The following SLC25A33 variants were observed in gnomAD, a reference collection of about 807,000 sequenced individuals.
SLC25A33 encodes the protein solute carrier family 25 member 33, also known as bone marrow stromal cell mitochondrial carrier protein.
In SLC25A33, 15 loss-of-function variants were observed where a neutral mutation model predicts 35.5. The observed-to-expected ratio is 0.42, with a 90% CI of 0.28 to 0.65. SLC25A33 has a LOEUF of 0.65. Ranked by LOEUF, SLC25A33 falls within the 30% of genes least tolerant of loss-of-function variation. The probability of loss-of-function intolerance (pLI) is 0.20; values close to 1 mark genes in which losing one functional copy is unlikely to be tolerated. For synonymous variants in SLC25A33, 136 were observed against 148.7 expected (o/e 0.91, Z 0.62); for missense variants, 257 against 398.5 (o/e 0.64, Z 3.02).
chr1:9,579,912 G>A, intron 5 of SLC25A33, 42 bp from the exon 6 acceptor site: 1 of 1,583,736 alleles, frequency 6.3e-7, no homozygotes, highest in Non-Finnish European at 8.6e-7. Flanking sequence ...GTTCCACCAT[G>A]ATATGTCTCC....
intron 5 of SLC25A33, among the ~76,000 whole-genome samples, chr1:9,575,404 C>T (rs1643649572): frequency 6.6e-6 from 1 of 151,500 alleles, no homozygotes; most frequent in African/African-American, 2.4e-5. Flanking sequence ...GTCACAAACT[C>T]AGGAGTTCGA....
chr1:9,566,588 T>C (rs1175231549), intron 2 of SLC25A33, among the ~76,000 whole-genome samples: 1 of 152,158 alleles, frequency 6.6e-6, no homozygotes, highest in African/African-American at 2.4e-5. Flanking sequence ...GGCTCATGCC[T>C]GTAATCCCAG....
At chr1:9,582,000 T>C (rs143661954) in intron 6 of SLC25A33, among the ~76,000 whole-genome samples, 27 of 152,224 alleles carry the variant, frequency 1.8e-4, no homozygotes, top group Admixed American at 5.2e-4. Context: ...CCCGACTCAT[T>C]GCGACCTTCA....
At chr1:9,564,735 A>AT (rs1553146738) in intron 2 of SLC25A33, among the ~76,000 whole-genome samples, 11 of 69,490 alleles carry the variant, frequency 1.6e-4, no homozygotes, top group African/African-American at 4.7e-4. Context: ...TAAAAAAAAA[A>AT]AAAAATATAT....
intron 1 of SLC25A33, among the ~76,000 whole-genome samples, chr1:9,551,159 G>C (rs1643262000): frequency 6.6e-6 from 1 of 151,794 alleles, no homozygotes. Context: ...AAGGCAGGTG[G>C]ATCACTTGAG....
chr1:9,578,108 C>CG lies in SLC25A33; in HGVS notation c.483-1842dup, dbSNP rs1368816355. On this transcript the variant is annotated intron_variant, in intron 5 of 6. Transcript: ENST00000302692. This position sits in a 1 kb window ranked among gnomAD's most constrained non-coding sequence, Gnocchi z 4.3. ...AATTTTTTGTATTTTTTAGTAGAGACGGGGTTTCACCGTGTTAGCCAGGAT... is the reference window on the plus strand; with the variant it reads ...AATTTTTTGTATTTTTTAGTAGAGACGGGGGTTTCACCGTGTTAGCCAGGAT... Among the ~76,000 whole-genome samples the CG allele has an allele frequency of 2.0e-5, 3 of 152,148 alleles. No individual in the cohort carries two copies. The South Asian group carries it at 6.2e-4, about 32-fold the overall frequency.
intron 1 of SLC25A33, among the ~76,000 whole-genome samples, chr1:9,544,925 TG>T (rs1276773672): frequency 4.6e-5 from 7 of 152,242 alleles, no homozygotes; most frequent in Admixed American, 4.6e-4. Context: ...AGCACAATTC[TG>T]TGTGCATAAT....
chr1:9,566,556 C>G (rs1643508479), intron 2 of SLC25A33, among the ~76,000 whole-genome samples: 1 of 152,068 alleles, frequency 6.6e-6, no homozygotes, highest in South Asian at 2.1e-4. Context: ...ACAGCTTCCT[C>G]CTGTGTTGGG....
At chr1:9,560,513 G>A (rs763746993) in intron 2 of SLC25A33, among the ~76,000 whole-genome samples, 2 of 152,004 alleles carry the variant, frequency 1.3e-5, no homozygotes, top group Non-Finnish European at 2.9e-5. Context: ...GCAGTGAGCC[G>A]AGATCGTGCC....
At position 9,583,660 on chromosome 1, in the gene SLC25A33, CAGAG is replaced by C. The variant is rs1332221579; in HGVS notation, c.*1162_*1165del. 2 of 151,782 alleles carry C rather than the reference CAGAG, an allele frequency of 1.3e-5. No individual in the cohort carries two copies. The highest frequency in any genetic ancestry group is 2.9e-5 in the Non-Finnish European group (2 of 67,994). 9.4% of individuals were successfully genotyped at this position (151,782 alleles called of 1,614,324 possible). On this transcript the variant is annotated 3_prime_UTR_variant, in exon 7 of 7. Transcript: ENST00000302692. ...CAACGTAGGACTATGGCTCACCCGT[CAGAG>C]AGCTCACATTCTGATAGAAAGCACT...
chr1:9,550,070 T>C (rs905058219), intron 1 of SLC25A33, among the ~76,000 whole-genome samples: 3 of 127,816 alleles, frequency 2.3e-5, no homozygotes, highest in Non-Finnish European at 3.2e-5. Context: ...TGAAGTACAG[T>C]AGTGTCATCT....
chr1:9,568,389 A>G (rs1219776336), intron 3 of SLC25A33, among the ~76,000 whole-genome samples: 1 of 152,160 alleles, frequency 6.6e-6, no homozygotes. Flanking sequence ...GGTTGCAGTG[A>G]GCTGAGATCA....
rs1385752405 is a variant in SLC25A33 at position 9,582,287 on chromosome 1, C to G, written c.764-12C>G. 1 of 1,613,776 alleles carries G rather than the reference C, an allele frequency of 6.2e-7. No individual in the cohort carries two copies. ...AATATGTGGCGTAAAGTAGGTCTTTCTCTCTCTGCAGAAGTCATAAGGACG... is the reference window on the plus strand; with the variant it reads ...AATATGTGGCGTAAAGTAGGTCTTTGTCTCTCTGCAGAAGTCATAAGGACG... On this transcript the variant is annotated splice_polypyrimidine_tract_variant and intron_variant, in intron 6 of 6. Coordinates refer to ENST00000302692, the MANE Select transcript of SLC25A33 (RefSeq NM_032315.3). This position sits in a 1 kb window ranked among gnomAD's most constrained non-coding sequence, Gnocchi z 4.0.
rs1643771834 is a variant in SLC25A33, at chr1:9,583,670, A to AT, written c.*1169_*1170insT. The AT allele has an allele frequency of 6.6e-6, 1 of 152,090 alleles. No homozygotes were observed. The highest frequency in any genetic ancestry group is 2.4e-5 in the African/African-American group (1 of 41,488). 9.4% of individuals were successfully genotyped at this position (152,090 alleles called of 1,614,324 possible). On this transcript the variant is annotated 3_prime_UTR_variant, in exon 7 of 7. Transcript: ENST00000302692. The stretch of plus-strand genomic sequence containing the variant: ...CTATGGCTCACCCGTCAGAGAGCTC[A>AT]CATTCTGATAGAAAGCACTGGGATT...
In SLC25A33 at chr1:9,582,319, CG is replaced by C. The variant is rs1167158974; in HGVS notation, c.787del (p.Glu263LysfsTer49). On this transcript the variant is annotated frameshift_variant, in exon 7 of 7. Transcript: ENST00000302692. LOFTEE classifies it high-confidence loss of function. The surrounding 1 kb of genome is among the most constrained non-coding windows in gnomAD (Gnocchi z 4.0). ...TGCAGAAGTCATAAGGACGAGGCTC[CG>C]GGAAGAGGGCACCAAGTACAAGTCT... ...YPHEVIRTRL[R>X]EEGTKYKSFV... The C allele has an allele frequency of 1.9e-6, 3 of 1,613,806 alleles. No individual in the cohort carries two copies. The African/African-American group carries it at 4.0e-5, about 22-fold the overall frequency.
intron 2 of SLC25A33, among the ~76,000 whole-genome samples, chr1:9,566,076 G>A (rs893133596): frequency 6.6e-6 from 1 of 151,712 alleles, no homozygotes; most frequent in African/African-American, 2.4e-5. Flanking sequence ...GTCTCTTTCT[G>A]TCGCTAAAGC....
chr1:9,568,855 AAG>A (rs1163360726), intron 3 of SLC25A33, among the ~76,000 whole-genome samples: 1 of 151,706 alleles, frequency 6.6e-6, no homozygotes, highest in Non-Finnish European at 1.5e-5. Context: ...CAAAAAAAAA[AAG>A]AGAAAATGAA....
At position 9,580,050 on chromosome 1, in the gene SLC25A33, G is replaced by C; in HGVS notation, c.579G>C (p.Ser193=). ...IRGFYRGLTA[S]YAGISETIIC... is the part of the protein sequence containing the mutation. ...GCTTCTATAGAGGATTAACTGCCTC[G>C]TATGCTGGAATTTCCGAAACTATAA... Residue 193 remains serine (S), a synonymous_variant, in exon 6 of 7, where the codon TCG becomes TCC. Coordinates refer to ENST00000302692, the MANE Select transcript of SLC25A33 (RefSeq NM_032315.3). 1 of 1,612,486 alleles carries C rather than the reference G, an allele frequency of 6.2e-7. No homozygotes were observed. The highest frequency in any genetic ancestry group is 8.5e-7 in the Non-Finnish European group (1 of 1,178,946).
At chr1:9,553,357 T>A (rs1370552111) in intron 1 of SLC25A33, among the ~76,000 whole-genome samples, 1 of 151,526 alleles carries the variant, frequency 6.6e-6, no homozygotes, top group Non-Finnish European at 1.5e-5. Context: ...CCCGAGTAGC[T>A]GGGACTACAG....
Sources: allele counts gnomAD v4.1 joint callset (sites outside exome capture counted in the v4.1 genomes callset), GRCh38; gene constraint gnomAD v4.1.1; non-coding constraint Gnocchi (gnomAD v3.1); transcripts MANE v1.5; gene names NCBI Gene and HGNC (gene_info 2026-07-23, HGNC 2026-07-21).